PDLIM5: variants seen among roughly 807,000 people sequenced by gnomAD.
The protein encoded by PDLIM5 is PDZ and LIM domain 5, also known as PDZ and LIM domain protein 5.
In PDLIM5, 34 loss-of-function variants were observed where a neutral mutation model predicts 64.2. The observed-to-expected ratio is 0.53, with a 90% confidence interval of 0.40 to 0.71. The LOEUF is 0.71. Among genes scored for constraint, PDLIM5 ranks in the 30% least tolerant of loss-of-function variants. PDLIM5 has a pLI of 0.00. For missense variants in PDLIM5, 683 were observed against 733.6 expected, an observed-to-expected ratio of 0.93 and a Z score of 0.80; for synonymous variants, 253 against 269.1, an observed-to-expected ratio of 0.94 and a Z score of 0.59.
At chr4:94,545,678 T>C (rs1446870096) in intron 3 of PDLIM5, among the ~76,000 whole-genome samples, 1 of 152,202 alleles carries the variant, frequency 6.6e-6, no homozygotes, top group Non-Finnish European at 1.5e-5. Flanking sequence ...ATCTTTCATT[T>C]TTATAGTCAT....
intron 3 of PDLIM5, among the ~76,000 whole-genome samples, chr4:94,538,018 G>A (rs533028370): frequency 6.6e-6 from 1 of 152,202 alleles, no homozygotes; most frequent in South Asian, 2.1e-4. Context: ...GAAGACATTT[G>A]TTTGATATTC....
At chr4:94,573,794 G>T in intron 4 of PDLIM5, 1 of 183,754 alleles carries the variant, frequency 5.4e-6, no homozygotes. Context: ...GTATTCTTAG[G>T]TTATTGGCAA....
At chr4:94,651,473 A>G (rs960954415) in intron 9 of PDLIM5, among the ~76,000 whole-genome samples, 1 of 152,218 alleles carries the variant, frequency 6.6e-6, no homozygotes, top group Non-Finnish European at 1.5e-5. Context: ...GCAAGTTTGT[A>G]AAAAGACTTT....
At chr4:94,571,790 G>T (rs574792917) in intron 3 of PDLIM5, among the ~76,000 whole-genome samples, 1 of 152,136 alleles carries the variant, frequency 6.6e-6, no homozygotes. Flanking sequence ...TTGAGAAATA[G>T]GTTTCCTTAT....
intron 7 of PDLIM5, among the ~76,000 whole-genome samples, 156 bp from the exon 8 acceptor site, chr4:94,617,848 G>A (rs1032135470): frequency 6.6e-6 from 1 of 151,946 alleles, no homozygotes; most frequent in Non-Finnish European, 1.5e-5. Flanking sequence ...GTTTTAAAGA[G>A]AGGCAATCCC....
At position 94,641,186 on chromosome 4, in the gene PDLIM5, A is replaced by G. The variant is rs191576428; in HGVS notation, c.1283+736A>G. Among the ~76,000 whole-genome samples, 5 of 152,368 alleles carry G rather than the reference A, an allele frequency of 3.3e-5. No homozygotes were observed. The East Asian group carries it at 9.6e-4, about 29-fold the overall frequency. On this transcript the variant is annotated intron_variant, in intron 9 of 12. Transcript: ENST00000317968. ...CACTTCGTGAGTTGCCTTGTTGGCA[A>G]TAACAAATGGTCCTTTGAAGTGACT... is the stretch of plus-strand genomic sequence containing the variant.
intron 2 of PDLIM5, among the ~76,000 whole-genome samples, chr4:94,510,396 A>AT (rs1361545953): frequency 6.6e-6 from 1 of 151,862 alleles, no homozygotes; most frequent in East Asian, 1.9e-4. Context: ...GACATCCTAG[A>AT]TTTTTTTTGT....
At chr4:94,489,384 C>T (rs994095747) in intron 2 of PDLIM5, among the ~76,000 whole-genome samples, 3 of 152,008 alleles carry the variant, frequency 2.0e-5, no homozygotes, top group Non-Finnish European at 1.5e-5. Context: ...TGGATAGACA[C>T]TTGTATTTGA....
intron 3 of PDLIM5, among the ~76,000 whole-genome samples, chr4:94,543,456 A>G (rs932271326): frequency 1.3e-5 from 2 of 152,162 alleles, no homozygotes; most frequent in East Asian, 1.9e-4. Context: ...AGCACTTAAT[A>G]TCTATTCTCT....
intron 2 of PDLIM5, among the ~76,000 whole-genome samples, chr4:94,464,141 G>A (rs985805422): frequency 7.9e-5 from 12 of 152,230 alleles, no homozygotes; most frequent in African/African-American, 2.6e-4. Flanking sequence ...ATGATGAGAA[G>A]AGTTTTGAAT....
intron 3 of PDLIM5, among the ~76,000 whole-genome samples, chr4:94,559,790 A>G (rs138813217): frequency 1.3e-5 from 2 of 152,336 alleles, no homozygotes; most frequent in African/African-American, 4.8e-5. Context: ...TATTGCCATT[A>G]TGACTGGGCC....
intron 3 of PDLIM5, among the ~76,000 whole-genome samples, chr4:94,562,489 A>T (rs1285016876): frequency 6.6e-6 from 1 of 152,248 alleles, no homozygotes; most frequent in African/African-American, 2.4e-5. Flanking sequence ...GACTGGTACC[A>T]GTCTAAACTG....
At chr4:94,601,303 A>C (rs1280241643) in intron 7 of PDLIM5, among the ~76,000 whole-genome samples, 1 of 152,122 alleles carries the variant, frequency 6.6e-6, no homozygotes, top group Non-Finnish European at 1.5e-5. Context: ...GGTATCTCTT[A>C]TAAGGGACCC....
Position 94,640,319 on chromosome 4 carries a change from A to G in PDLIM5, c.1152A>G (p.Gly384=), listed in dbSNP as rs375931613. Residue 384 remains glycine, a synonymous_variant, in exon 9 of 13, where the codon GGA becomes GGG. Transcript: ENST00000317968. Reference sequence around the variant, plus strand: ...TCTCAAACAGCGCTACTTACTCAGGATCAGTGGCACCAGCCAACTCAGCTT... The same window carrying G: ...TCTCAAACAGCGCTACTTACTCAGGGTCAGTGGCACCAGCCAACTCAGCTT... ...GRISNSATYS[G]SVAPANSALG... The G allele has an allele frequency of 2.5e-6, 4 of 1,611,682 alleles. No homozygotes were observed. The Admixed American group carries it at 5.0e-5, about 20-fold the overall frequency.
intron 2 of PDLIM5, among the ~76,000 whole-genome samples, chr4:94,512,287 GGGATTACA>G (rs1238325707): frequency 1.3e-5 from 2 of 152,064 alleles, no homozygotes; most frequent in African/African-American, 4.8e-5. Context: ...CCAAAGTTCT[GGGATTACA>G]GGCATGAGCC....
intron 6 of PDLIM5, 139 bp from the exon 7 acceptor site, chr4:94,586,269 A>C: frequency 1.7e-6 from 1 of 579,726 alleles, no homozygotes; most frequent in Non-Finnish European, 3.1e-6. Context: ...TTTATGGCCA[A>C]TAACAGGCTA....
chr4:94,470,207 G>A (rs901164942), intron 2 of PDLIM5, among the ~76,000 whole-genome samples: 22 of 151,876 alleles, frequency 1.4e-4, no homozygotes, highest in Admixed American at 3.9e-4. Flanking sequence ...CTCGTGATCC[G>A]CCTAGCTCGG....
intron 7 of PDLIM5, chr4:94,610,970 T>TA: frequency 1.2e-6 from 1 of 838,902 alleles, no homozygotes; most frequent in Non-Finnish European, 1.9e-6. Context: ...CCACCCTCTC[T>TA]CTCGTAAAGG....
intron 2 of PDLIM5, among the ~76,000 whole-genome samples, chr4:94,475,948 C>A (rs1437225684): frequency 6.6e-6 from 1 of 152,130 alleles, no homozygotes; most frequent in Non-Finnish European, 1.5e-5. Flanking sequence ...AGTTCAATAA[C>A]CCCAAGGCAG....
Sources: gnomAD v4.1 joint callset for allele counts (sites outside exome capture counted in the v4.1 genomes callset) on GRCh38, gnomAD v4.1.1 for gene constraint, MANE v1.5 for transcripts, NCBI Gene and HGNC (gene_info 2026-07-23, HGNC 2026-07-21) for gene names.